Variants in NUBPL observed in about 807,000 individuals in gnomAD.
The protein encoded by NUBPL is iron-sulfur cluster transfer protein NUBPL.
A neutral mutation model predicts 45.7 loss-of-function variants in NUBPL; 31 were observed. The ratio of observed to expected loss-of-function variants is 0.68; its 90% CI spans 0.51 to 0.92. The LOEUF is 0.92. Ranked by LOEUF, NUBPL falls within the 40% of genes least tolerant of loss-of-function variation. The pLI is 0.00. For synonymous variants in NUBPL, 144 were observed against 140.9 expected, an observed-to-expected ratio of 1.02 and a Z score of -0.15; for missense variants, 401 against 398.7, an observed-to-expected ratio of 1.01 and a Z score of -0.05.
intron 7 of NUBPL, among the ~76,000 whole-genome samples, chr14:31,805,073 C>CA (rs138333095): frequency 0.36 from 54,085 of 149,364 alleles, 11,699 homozygotes; most frequent in East Asian, 0.57. Flanking sequence ...ATTTACAAGA[C>CA]AAAAAAAAAC....
intron 4 of NUBPL, among the ~76,000 whole-genome samples, chr14:31,639,422 G>A (rs1400761878): frequency 6.6e-6 from 1 of 152,226 alleles, no homozygotes; most frequent in African/African-American, 2.4e-5. Context: ...AAATGCTGCT[G>A]TATGATCGTT....
chr14:31,597,234 A>G (rs947046648), intron 3 of NUBPL, among the ~76,000 whole-genome samples: 1 of 152,166 alleles, frequency 6.6e-6, no homozygotes, highest in African/African-American at 2.4e-5. Context: ...GAATATTGTC[A>G]GTTAGTGTTA....
At chr14:31,575,711 C>G (rs1168754203) in intron 3 of NUBPL, among the ~76,000 whole-genome samples, 1 of 152,048 alleles carries the variant, frequency 6.6e-6, no homozygotes, top group African/African-American at 2.4e-5. Context: ...ATTAAATTAA[C>G]CAATTCTTAA....
chr14:31,595,196 C>T (rs1239210892), intron 3 of NUBPL, among the ~76,000 whole-genome samples: 4 of 152,122 alleles, frequency 2.6e-5, no homozygotes, highest in Admixed American at 2.0e-4. Context: ...ATAATTCTGC[C>T]ACCTTTTACA....
At chr14:31,683,616 G>T (rs1207394418) in intron 6 of NUBPL, among the ~76,000 whole-genome samples, 2 of 152,096 alleles carry the variant, frequency 1.3e-5, no homozygotes, top group Non-Finnish European at 2.9e-5. Flanking sequence ...CCCCCAAAGT[G>T]CTGGGATTAC....
At chr14:31,748,073 G>T (rs184242314) in intron 6 of NUBPL, among the ~76,000 whole-genome samples, 2 of 152,146 alleles carry the variant, frequency 1.3e-5, no homozygotes, top group Admixed American at 1.3e-4. Context: ...TCATTCAGGG[G>T]CATGCTGTTT....
At chr14:31,831,070 G>C (rs2040182225) in intron 8 of NUBPL, among the ~76,000 whole-genome samples, 1 of 151,728 alleles carries the variant, frequency 6.6e-6, no homozygotes. Context: ...TTTTGAGACA[G>C]TCTCGCTCTG....
At chr14:31,754,628 C>G in intron 6 of NUBPL, among the ~76,000 whole-genome samples, 1 of 105,622 alleles carries the variant, frequency 9.5e-6, no homozygotes, top group Non-Finnish European at 1.9e-5. Context: ...TGAGATCTTG[C>G]CAATAGATTC....
intron 3 of NUBPL, among the ~76,000 whole-genome samples, chr14:31,593,050 A>G (rs1478584825): frequency 3.3e-5 from 5 of 152,220 alleles, no homozygotes; most frequent in African/African-American, 9.7e-5. Context: ...TAAAAACCCA[A>G]TAAAAAGAAC....
At chr14:31,592,622 AT>A (rs746942033) in intron 3 of NUBPL, among the ~76,000 whole-genome samples, 3 of 151,880 alleles carry the variant, frequency 2.0e-5, no homozygotes, top group Non-Finnish European at 2.9e-5. Flanking sequence ...TTAAAAAAAA[AT>A]CATTTAAAAA....
intron 4 of NUBPL, among the ~76,000 whole-genome samples, chr14:31,656,713 A>G (rs1445341437): frequency 1.3e-5 from 2 of 152,168 alleles, no homozygotes; most frequent in East Asian, 1.9e-4. Flanking sequence ...AGTAACATCA[A>G]ATATCACCAT....
At chr14:31,619,871 G>C (rs2035012931) in intron 4 of NUBPL, among the ~76,000 whole-genome samples, 1 of 152,008 alleles carries the variant, frequency 6.6e-6, no homozygotes, top group African/African-American at 2.4e-5. Context: ...AAACACTGAA[G>C]AGTGTTTTCC....
chr14:31,732,270 T>G (rs1278630055), intron 6 of NUBPL, among the ~76,000 whole-genome samples: 1 of 151,856 alleles, frequency 6.6e-6, no homozygotes, highest in Non-Finnish European at 1.5e-5. Flanking sequence ...CTGACCTCAC[T>G]GTCCACTCCT....
chr14:31,735,734 C>T (rs928285044), intron 6 of NUBPL, among the ~76,000 whole-genome samples: 3 of 152,112 alleles, frequency 2.0e-5, no homozygotes, highest in Admixed American at 1.3e-4. Context: ...TGCCTGTAAT[C>T]CCAGCTACTC....
intron 8 of NUBPL, among the ~76,000 whole-genome samples, chr14:31,840,188 G>T (rs1337988562): frequency 6.6e-6 from 1 of 152,114 alleles, no homozygotes; most frequent in African/African-American, 2.4e-5. Context: ...CAATAGCCAA[G>T]ATATGGAATC....
At chr14:31,584,105 TTAAGGCTTGCTAA>T (rs1294090468) in intron 3 of NUBPL, among the ~76,000 whole-genome samples, 1 of 152,186 alleles carries the variant, frequency 6.6e-6, no homozygotes, top group Non-Finnish European at 1.5e-5. Context: ...ATGTATTTGA[TTAAGGCTTGCTAA>T]TTGTCATAAT....
chr14:31,821,080 G>T (rs565424307), intron 7 of NUBPL, among the ~76,000 whole-genome samples: 20 of 152,010 alleles, frequency 1.3e-4, no homozygotes, highest in African/African-American at 4.6e-4. Context: ...CTGAGATTAT[G>T]CCATTGCACT....
chr14:31,641,720 G>A (rs113842249), intron 4 of NUBPL, among the ~76,000 whole-genome samples: 1,606 of 152,184 alleles, frequency 0.011, 24 homozygotes, highest in African/African-American at 0.037. Context: ...TGGATCAAAT[G>A]GTAGTTCTAT....
intron 4 of NUBPL, among the ~76,000 whole-genome samples, chr14:31,636,558 G>T (rs1376683308): frequency 1.3e-5 from 2 of 151,814 alleles, no homozygotes; most frequent in African/African-American, 2.4e-5. Flanking sequence ...TCTCTTTTTT[G>T]GTTGTGTCTC....
Sources: allele counts gnomAD v4.1 joint callset (sites outside exome capture counted in the v4.1 genomes callset), GRCh38; gene constraint gnomAD v4.1.1; transcripts MANE v1.5; gene names NCBI Gene and HGNC (gene_info 2026-07-23, HGNC 2026-07-21).